RALYL: variants seen among roughly 807,000 people sequenced by gnomAD.
RALYL encodes RNA-binding Raly-like protein.
Under a neutral mutation model 35.1 loss-of-function variants are expected in RALYL, and 29 were observed. That is an observed-to-expected ratio of 0.83 (90% CI 0.61 to 1.13). The LOEUF (loss-of-function observed/expected upper bound fraction) is 1.13, where lower values mean the gene tolerates loss of function less well. Ranked by LOEUF, RALYL falls within the 50% of genes most tolerant of loss-of-function variation. The pLI is 0.00. For synonymous variants in RALYL, 120 were observed against 127.6 expected (o/e 0.94, Z 0.40); for missense variants, 359 against 360.4 (o/e 1.00, Z 0.03).
chr8:84,239,483 A>G (rs1010195404), intron 1 of RALYL, among the ~76,000 whole-genome samples: 3 of 152,200 alleles, frequency 2.0e-5, no homozygotes, highest in African/African-American at 7.2e-5. Context: ...TTAAATCTCT[A>G]TGGCATTATC....
At chr8:84,423,971 C>T (rs1438336104) in intron 1 of RALYL, among the ~76,000 whole-genome samples, 2 of 151,710 alleles carry the variant, frequency 1.3e-5, no homozygotes, top group Non-Finnish European at 2.9e-5. Flanking sequence ...TTCTCTCTGG[C>T]TGCCCTTAAC....
intron 1 of RALYL, among the ~76,000 whole-genome samples, chr8:84,509,823 A>G (rs1220285594): frequency 6.6e-6 from 1 of 152,094 alleles, no homozygotes; most frequent in Non-Finnish European, 1.5e-5. Context: ...AGATCAGTTG[A>G]CTGTGTTCAT....
chr8:84,533,915 G>T (rs547823875), intron 2 of RALYL, among the ~76,000 whole-genome samples: 1 of 152,188 alleles, frequency 6.6e-6, no homozygotes, highest in African/African-American at 2.4e-5. Context: ...AACAATTCCC[G>T]TCAAGCATGT....
intron 2 of RALYL, among the ~76,000 whole-genome samples, chr8:84,602,325 C>G (rs1420192341): frequency 6.6e-6 from 1 of 152,080 alleles, no homozygotes; most frequent in Non-Finnish European, 1.5e-5. Context: ...TCTAGATTGT[C>G]TTTTTATTTC....
intron 2 of RALYL, among the ~76,000 whole-genome samples, chr8:84,558,993 C>T (rs1324709563): frequency 6.6e-6 from 1 of 152,086 alleles, no homozygotes; most frequent in Non-Finnish European, 1.5e-5. Flanking sequence ...GCCTTCATCA[C>T]ATTTTCATGT....
At chr8:84,483,993 A>T (rs1328861856) in intron 1 of RALYL, among the ~76,000 whole-genome samples, 6 of 152,142 alleles carry the variant, frequency 3.9e-5, no homozygotes, top group Non-Finnish European at 7.4e-5. Context: ...TCTTAAATTA[A>T]GATGTGTTTT....
chr8:84,385,578 A>C (rs1859000532), intron 1 of RALYL, among the ~76,000 whole-genome samples: 1 of 151,810 alleles, frequency 6.6e-6, no homozygotes, highest in Non-Finnish European at 1.5e-5. Flanking sequence ...ATTGCTGTAG[A>C]CCATTGAACA....
intron 1 of RALYL, among the ~76,000 whole-genome samples, chr8:84,339,781 A>C (rs1848464310): frequency 6.6e-6 from 1 of 151,996 alleles, no homozygotes; most frequent in African/African-American, 2.4e-5. Context: ...AAATCGACCT[A>C]TGCCTCTTCC....
At chr8:84,516,621 G>C (rs562689766) in intron 1 of RALYL, among the ~76,000 whole-genome samples, 1 of 152,174 alleles carries the variant, frequency 6.6e-6, no homozygotes, top group South Asian at 2.1e-4. Context: ...TATGAAGAAA[G>C]GATAAATGAA....
intron 1 of RALYL, among the ~76,000 whole-genome samples, chr8:84,451,992 C>T (rs2049529384): frequency 6.6e-6 from 1 of 151,934 alleles, no homozygotes; most frequent in Admixed American, 6.6e-5. Context: ...GAACATCAGG[C>T]TGATGTTTAT....
intron 2 of RALYL, among the ~76,000 whole-genome samples, chr8:84,700,988 A>T (rs1336708890): frequency 6.6e-6 from 1 of 152,192 alleles, no homozygotes; most frequent in Non-Finnish European, 1.5e-5. Flanking sequence ...GAGGTGTTTC[A>T]AAAGAAGGAA....
intron 1 of RALYL, among the ~76,000 whole-genome samples, chr8:84,202,786 A>G (rs1264800157): frequency 6.6e-6 from 1 of 152,166 alleles, no homozygotes; most frequent in Non-Finnish European, 1.5e-5. Flanking sequence ...TGGTGTAGGC[A>G]TGACATTTTG....
chr8:84,845,175 G>T (rs897920000), intron 4 of RALYL, among the ~76,000 whole-genome samples: 5 of 152,008 alleles, frequency 3.3e-5, no homozygotes, highest in Admixed American at 6.6e-5. Context: ...GAGCTTATTT[G>T]GTTACATCTG....
chr8:84,826,329 C>T (rs931492001), intron 4 of RALYL, among the ~76,000 whole-genome samples: 3 of 146,130 alleles, frequency 2.1e-5, no homozygotes, highest in East Asian at 2.0e-4. Flanking sequence ...ATGCCTTCAA[C>T]GAGGAGCTTT....
At chr8:84,300,076 T>A (rs983846177) in intron 1 of RALYL, among the ~76,000 whole-genome samples, 6 of 152,108 alleles carry the variant, frequency 3.9e-5, no homozygotes, top group Non-Finnish European at 5.9e-5. Context: ...GGACATTTAG[T>A]GCTATAAACT....
intron 1 of RALYL, among the ~76,000 whole-genome samples, chr8:84,346,881 G>T (rs76690686): frequency 0.043 from 6,555 of 152,106 alleles, 196 homozygotes; most frequent in African/African-American, 0.061. Flanking sequence ...ATAAGGAATT[G>T]ATATTTATAA....
intron 1 of RALYL, among the ~76,000 whole-genome samples, chr8:84,400,798 G>A (rs1472677905): frequency 3.3e-5 from 5 of 152,226 alleles, no homozygotes; most frequent in Admixed American, 3.3e-4. Context: ...TTTGGATCAT[G>A]AAGTCCAGGT....
At chr8:84,665,955 A>T (rs945473580) in intron 2 of RALYL, 10 of 152,088 alleles carry the variant, frequency 6.6e-5, no homozygotes, top group African/African-American at 1.9e-4. Context: ...ATCTGTCAAC[A>T]AAGAATAAAA....
chr8:84,557,878 A>G (rs1459381143), intron 2 of RALYL, among the ~76,000 whole-genome samples: 1 of 152,204 alleles, frequency 6.6e-6, no homozygotes, highest in Non-Finnish European at 1.5e-5. Flanking sequence ...CAGAAAAGCC[A>G]TACAATGCAG....
Sources: gnomAD v4.1 joint callset for allele counts (sites outside exome capture counted in the v4.1 genomes callset) on GRCh38, gnomAD v4.1.1 for gene constraint, MANE v1.5 for transcripts, NCBI Gene and HGNC (gene_info 2026-07-23, HGNC 2026-07-21) for gene names.